CTNND2: variants seen among roughly 807,000 people sequenced by gnomAD.
CTNND2 encodes the protein catenin delta 2, also known as catenin delta-2.
In CTNND2, 22 loss-of-function variants were observed where a neutral mutation model predicts 144.4. The ratio of observed to expected loss-of-function variants is 0.15; its 90% CI spans 0.11 to 0.22. The LOEUF is 0.22. Among genes scored for constraint, CTNND2 ranks in the 10% least tolerant of loss-of-function variants. CTNND2 has a pLI of 1.00. For synonymous variants in CTNND2, 751 were observed against 695.6 expected, an observed-to-expected ratio of 1.08 and a Z score of -1.25; for missense variants, 1,353 against 1,618.8, an observed-to-expected ratio of 0.84 and a Z score of 2.82.
intron 9 of CTNND2, among the ~76,000 whole-genome samples, chr5:11,335,887 T>C (rs950791669): frequency 6.6e-6 from 1 of 152,072 alleles, no homozygotes; most frequent in Admixed American, 6.5e-5. Context: ...CTTTGGAAAT[T>C]CACTTTAGCC....
intron 1 of CTNND2, among the ~76,000 whole-genome samples, chr5:11,732,998 G>T (rs61763016): frequency 0.083 from 12,579 of 152,134 alleles, 1,004 homozygotes; most frequent in African/African-American, 0.21. Flanking sequence ...CCACCTGGAG[G>T]TTCCTGGAAA....
At chr5:11,372,072 A>C (rs1271697471) in intron 7 of CTNND2, among the ~76,000 whole-genome samples, 4 of 152,226 alleles carry the variant, frequency 2.6e-5, no homozygotes, top group Non-Finnish European at 5.9e-5. Context: ...TACAAAACAC[A>C]GAATTTGTTC....
chr5:11,405,289 A>G (rs1761001487), intron 5 of CTNND2, among the ~76,000 whole-genome samples: 1 of 152,218 alleles, frequency 6.6e-6, no homozygotes. Flanking sequence ...GTGGTTAAAG[A>G]GCTCTTCTTA....
intron 3 of CTNND2, among the ~76,000 whole-genome samples, chr5:11,525,742 G>T (rs1561514250): frequency 6.6e-6 from 1 of 152,182 alleles, no homozygotes. Context: ...CGCCTACACA[G>T]TCCCAGTGTG....
intron 3 of CTNND2, among the ~76,000 whole-genome samples, chr5:11,528,989 T>G (rs1372166180): frequency 1.3e-5 from 2 of 152,138 alleles, no homozygotes; most frequent in African/African-American, 2.4e-5. Flanking sequence ...TTGACAGGTA[T>G]GGAGTGATGA....
chr5:11,833,544 G>C (rs1448695552), intron 1 of CTNND2, among the ~76,000 whole-genome samples: 1 of 151,932 alleles, frequency 6.6e-6, no homozygotes, highest in Non-Finnish European at 1.5e-5. Context: ...TTTGTTTTGA[G>C]ACAGAGTCTT....
At chr5:11,206,468 C>T (rs1738060884) in intron 10 of CTNND2, among the ~76,000 whole-genome samples, 3 of 152,124 alleles carry the variant, frequency 2.0e-5, no homozygotes. Flanking sequence ...AGCGATTCCT[C>T]AAGTTTCTTT....
intron 7 of CTNND2, among the ~76,000 whole-genome samples, chr5:11,378,861 T>C (rs59488761): frequency 0.024 from 3,660 of 152,276 alleles, 151 homozygotes; most frequent in African/African-American, 0.082. Context: ...CTCTAAACAG[T>C]AAAGATTCAG....
chr5:11,376,814 T>A (rs944730801), intron 7 of CTNND2, among the ~76,000 whole-genome samples: 2 of 152,154 alleles, frequency 1.3e-5, no homozygotes, highest in Non-Finnish European at 2.9e-5. Context: ...TGACTTTCAA[T>A]GAATCCCTCT....
chr5:11,359,140 A>G (rs1183957140), intron 8 of CTNND2, among the ~76,000 whole-genome samples: 1 of 152,234 alleles, frequency 6.6e-6, no homozygotes, highest in Non-Finnish European at 1.5e-5. Flanking sequence ...CTTTACCACA[A>G]GCAAATTCAT....
chr5:11,094,366 T>G (rs909728644), intron 15 of CTNND2, among the ~76,000 whole-genome samples: 1 of 152,218 alleles, frequency 6.6e-6, no homozygotes, highest in Non-Finnish European at 1.5e-5. Flanking sequence ...ACAGTTTTTC[T>G]TTCTTGCATT....
intron 1 of CTNND2, among the ~76,000 whole-genome samples, chr5:11,901,103 A>G (rs1251841413): frequency 6.6e-6 from 1 of 152,244 alleles, no homozygotes; most frequent in East Asian, 1.9e-4. Context: ...ACACTGGTCC[A>G]TACATAGTGT....
At chr5:11,106,447 A>G (rs1752435024) in intron 14 of CTNND2, among the ~76,000 whole-genome samples, 2 of 152,230 alleles carry the variant, frequency 1.3e-5, no homozygotes, top group Non-Finnish European at 2.9e-5. Flanking sequence ...GCTGTCATAA[A>G]GTGGTCAGCA....
chr5:11,523,805 G>T (rs1360189240), intron 3 of CTNND2, among the ~76,000 whole-genome samples: 1 of 152,016 alleles, frequency 6.6e-6, no homozygotes, highest in African/African-American at 2.4e-5. Context: ...CTACTCACTG[G>T]TGCCCTTGAC....
chr5:11,210,579 A>G (rs910889712), intron 10 of CTNND2, among the ~76,000 whole-genome samples: 61 of 152,342 alleles, frequency 4.0e-4, no homozygotes, highest in African/African-American at 1.4e-3. Context: ...AGAGGATAAG[A>G]TCTAACATAT....
chr5:11,625,126 A>G (rs1433122182), intron 2 of CTNND2, among the ~76,000 whole-genome samples: 5 of 152,140 alleles, frequency 3.3e-5, no homozygotes, highest in Non-Finnish European at 1.5e-5. Flanking sequence ...GTATTTAAAC[A>G]ACGACGTTAC....
intron 2 of CTNND2, among the ~76,000 whole-genome samples, chr5:11,690,195 A>T (rs1784830524): frequency 1.3e-5 from 2 of 152,254 alleles, no homozygotes; most frequent in Admixed American, 6.5e-5. Context: ...ATGGAAGAGA[A>T]TAGAATCCAA....
chr5:11,594,269 C>A (rs1779399638), intron 2 of CTNND2, among the ~76,000 whole-genome samples: 1 of 152,158 alleles, frequency 6.6e-6, no homozygotes, highest in African/African-American at 2.4e-5. Flanking sequence ...ACACACATAA[C>A]AGTGAGCAAG....
At chr5:11,136,721 T>C (rs376055038) in intron 12 of CTNND2, among the ~76,000 whole-genome samples, 2 of 152,344 alleles carry the variant, frequency 1.3e-5, no homozygotes, top group African/African-American at 4.8e-5. Context: ...TGTCCTCATC[T>C]TCTCTACCTT....
Sources: allele counts gnomAD v4.1 joint callset (sites outside exome capture counted in the v4.1 genomes callset), GRCh38; gene constraint gnomAD v4.1.1; transcripts MANE v1.5; gene names NCBI Gene and HGNC (gene_info 2026-07-23, HGNC 2026-07-21).